The following VWC2L variants were observed in gnomAD, a reference collection of about 807,000 sequenced individuals.
VWC2L encodes the protein von Willebrand factor C domain-containing protein 2-like.
Under a neutral mutation model 21.6 loss-of-function variants are expected in VWC2L, and 10 were observed. The observed-to-expected ratio is 0.46, with a 90% confidence interval of 0.29 to 0.78. The LOEUF is 0.78. Ranked by LOEUF, VWC2L falls within the 30% of genes least tolerant of loss-of-function variation. The probability of loss-of-function intolerance (pLI) is 0.10; values close to 1 mark genes in which losing one functional copy is unlikely to be tolerated. For missense variants in VWC2L, 209 were observed against 277.1 expected, an observed-to-expected ratio of 0.75 and a Z score of 1.74; for synonymous variants, 96 against 94.3, an observed-to-expected ratio of 1.02 and a Z score of -0.10.
intron 3 of VWC2L, among the ~76,000 whole-genome samples, chr2:214,482,285 A>G (rs1688613762): frequency 1.3e-5 from 2 of 152,096 alleles, no homozygotes; most frequent in Non-Finnish European, 2.9e-5. Flanking sequence ...TAATAATTCT[A>G]ATGTGGATAA....
At chr2:214,493,084 C>T (rs1440450710) in intron 3 of VWC2L, among the ~76,000 whole-genome samples, 2 of 152,138 alleles carry the variant, frequency 1.3e-5, no homozygotes, top group African/African-American at 2.4e-5. Flanking sequence ...ATGGGGTACA[C>T]CTGCATATGT....
intron 3 of VWC2L, among the ~76,000 whole-genome samples, chr2:214,506,917 C>T (rs1036531386): frequency 3.3e-5 from 5 of 151,588 alleles, no homozygotes; most frequent in South Asian, 2.1e-4. Flanking sequence ...AGTACAAATA[C>T]ATTAAAATAT....
rs1400927876 is a variant in VWC2L at position 214,414,396 on chromosome 2, T to A, written c.203T>A (p.Phe68Tyr). 1 of 1,613,724 alleles carries A rather than the reference T, an allele frequency of 6.2e-7. No homozygotes were observed. Among genetic ancestry groups the A allele is most frequent in the Admixed American group, 1.7e-5 (1 of 59,950 alleles). The change falls in exon 2 of 4, where the codon TTC (phenylalanine) becomes TAC (tyrosine). Residue 68 changes from phenylalanine to tyrosine, a missense_variant. Phe to Tyr is a conservative substitution (Grantham distance 22). Coordinates refer to ENST00000312504, the MANE Select transcript of VWC2L (RefSeq NM_001080500.4). Reference protein sequence around the residue: ...GFVYKLGERFFPGHSNCPCVC... With the variant: ...GFVYKLGERFYPGHSNCPCVC... ...GTATACAAGTTGGGAGAACGATTTT[T>A]CCCTGGGCATTCCAACTGTCCATGT...
intron 3 of VWC2L, among the ~76,000 whole-genome samples, chr2:214,471,265 T>C (rs756937613): frequency 1.3e-5 from 2 of 152,162 alleles, no homozygotes; most frequent in Non-Finnish European, 2.9e-5. Flanking sequence ...ACATTGCATG[T>C]CATGCGTCTA....
intron 1 of VWC2L, among the ~76,000 whole-genome samples, chr2:214,412,224 A>G (rs1252081014): frequency 6.6e-6 from 1 of 152,262 alleles, no homozygotes; most frequent in African/African-American, 2.4e-5. Flanking sequence ...CCTGTGGCTT[A>G]CAAAGAGATC....
At chr2:214,476,214 C>T (rs1688515606) in intron 3 of VWC2L, among the ~76,000 whole-genome samples, 1 of 152,000 alleles carries the variant, frequency 6.6e-6, no homozygotes. Context: ...ATACCACAGC[C>T]AATATGCAAA....
chr2:214,512,325 T>G (rs1390617685), intron 3 of VWC2L, among the ~76,000 whole-genome samples: 1 of 152,100 alleles, frequency 6.6e-6, no homozygotes, highest in Admixed American at 6.6e-5. Flanking sequence ...AAATACTGCA[T>G]GTTCACTTAT....
chr2:214,551,683 C>G (rs1689797095), intron 3 of VWC2L, among the ~76,000 whole-genome samples: 1 of 152,226 alleles, frequency 6.6e-6, no homozygotes. Flanking sequence ...CACCCTCTTT[C>G]TTGATGATTC....
chr2:214,457,722 C>T (rs1489484803), intron 3 of VWC2L, among the ~76,000 whole-genome samples: 1 of 152,100 alleles, frequency 6.6e-6, no homozygotes, highest in Non-Finnish European at 1.5e-5. Context: ...TTCTCTGTGA[C>T]TCTTGAGATG....
At chr2:214,554,635 C>T (rs149494157) in intron 3 of VWC2L, among the ~76,000 whole-genome samples, 2,115 of 152,218 alleles carry the variant, frequency 0.014, 48 homozygotes, top group African/African-American at 0.048. Flanking sequence ...TGCACTATAG[C>T]CTGGGCAACA....
At chr2:214,502,209 T>A (rs1056367500) in intron 3 of VWC2L, among the ~76,000 whole-genome samples, 1 of 152,234 alleles carries the variant, frequency 6.6e-6, no homozygotes, top group East Asian at 1.9e-4. Context: ...TCGCATGTTC[T>A]CAATAAATAT....
intron 3 of VWC2L, among the ~76,000 whole-genome samples, chr2:214,510,642 C>T (rs1170446468): frequency 1.3e-5 from 2 of 152,208 alleles, no homozygotes; most frequent in Non-Finnish European, 2.9e-5. Context: ...TAGGACTTCT[C>T]CTGATCCTCA....
At chr2:214,498,560 A>C (rs1198401052) in intron 3 of VWC2L, among the ~76,000 whole-genome samples, 1 of 151,862 alleles carries the variant, frequency 6.6e-6, no homozygotes, top group African/African-American at 2.4e-5. Flanking sequence ...CTATATGAAT[A>C]CTATAATATA....
At chr2:214,469,451 C>T (rs1182906806) in intron 3 of VWC2L, among the ~76,000 whole-genome samples, 2 of 152,050 alleles carry the variant, frequency 1.3e-5, no homozygotes, top group Non-Finnish European at 2.9e-5. Flanking sequence ...TACAAAAAGC[C>T]GCGTGTGGTG....
chr2:214,442,174 C>T (rs749690940), intron 3 of VWC2L, among the ~76,000 whole-genome samples: 19 of 151,802 alleles, frequency 1.3e-4, no homozygotes, highest in East Asian at 1.9e-4. Flanking sequence ...CCTCCCAAAG[C>T]GCTGGGATTA....
intron 2 of VWC2L, among the ~76,000 whole-genome samples, chr2:214,423,524 A>G (rs1423916531): frequency 6.6e-6 from 1 of 152,170 alleles, no homozygotes; most frequent in East Asian, 1.9e-4. Context: ...TCCAATAAAT[A>G]TGTTGGATTC....
intron 3 of VWC2L, among the ~76,000 whole-genome samples, chr2:214,475,192 G>A (rs549583212): frequency 2.0e-5 from 3 of 152,214 alleles, no homozygotes; most frequent in East Asian, 3.9e-4. Context: ...TATATGTTGA[G>A]AAGTTTCTTC....
At chr2:214,524,989 T>A (rs1689306059) in intron 3 of VWC2L, among the ~76,000 whole-genome samples, 1 of 149,676 alleles carries the variant, frequency 6.7e-6, no homozygotes, top group Non-Finnish European at 1.5e-5. Context: ...CACAGACCAA[T>A]TGAGTGGTTT....
chr2:214,414,806 A>G, intron 2 of VWC2L: 1 of 554,674 alleles, frequency 1.8e-6, no homozygotes, highest in Non-Finnish European at 3.1e-6. Context: ...TTTTTTTCCC[A>G]GAAGTATTTG....
Sources: allele counts gnomAD v4.1 joint callset (sites outside exome capture counted in the v4.1 genomes callset), GRCh38; gene constraint gnomAD v4.1.1; transcripts MANE v1.5; gene names NCBI Gene and HGNC (gene_info 2026-07-23, HGNC 2026-07-21).